NDST3: variants seen among roughly 807,000 people sequenced by gnomAD.
The protein encoded by NDST3 is bifunctional heparan sulfate N-deacetylase/N-sulfotransferase 3.
NDST3 carries 58 observed loss-of-function variants against 96.1 expected under a neutral mutation model. The ratio of observed to expected loss-of-function variants is 0.60; its 90% CI spans 0.49 to 0.75. The LOEUF is 0.75. Ranked by LOEUF, NDST3 falls within the 30% of genes least tolerant of loss-of-function variation. NDST3 has a pLI of 0.00. For missense variants in NDST3, 788 were observed against 1,034.2 expected (o/e 0.76, Z 3.27); for synonymous variants, 333 against 359.7 (o/e 0.93, Z 0.84).
intron 2 of NDST3, among the ~76,000 whole-genome samples, chr4:118,093,612 T>C (rs752326221): frequency 6.6e-6 from 1 of 151,948 alleles, no homozygotes; most frequent in Non-Finnish European, 1.5e-5. Context: ...TTAAGTTCTT[T>C]AACATCTTTC....
chr4:118,227,756 C>T (rs552164362), intron 8 of NDST3, among the ~76,000 whole-genome samples: 135 of 152,114 alleles, frequency 8.9e-4, no homozygotes, highest in South Asian at 8.3e-4. Context: ...GGGCTACAGG[C>T]GCCTGCCACC....
At position 118,255,640 on chromosome 4, in the gene NDST3, C is replaced by A; in HGVS notation, c.2550C>A (p.Leu850=). 1 of 1,613,882 alleles carries A rather than the reference C, an allele frequency of 6.2e-7. No individual in the cohort carries two copies. Among genetic ancestry groups the A allele is most frequent in the Non-Finnish European group, 8.5e-7 (1 of 1,179,846 alleles). The change falls in exon 14 of 14, where the codon CTC becomes CTA. Residue 850 remains leucine, a synonymous_variant. Transcript: ENST00000296499. ...ACTATCGAGATCACAACGTGGAACT[C>A]TCAAAGCTGCTGCACAAACTGGGTC... is the stretch of plus-strand genomic sequence containing the variant. ...SSYYRDHNVE[L]SKLLHKLGQP...
At chr4:118,118,428 T>C (rs1427455626) in intron 4 of NDST3, among the ~76,000 whole-genome samples, 1 of 152,206 alleles carries the variant, frequency 6.6e-6, no homozygotes, top group Non-Finnish European at 1.5e-5. Context: ...TCTAAAACTT[T>C]TGGGTTTCGG....
intron 9 of NDST3, 145 bp downstream of exon 9, chr4:118,233,280 G>T: frequency 1.5e-6 from 1 of 662,670 alleles, no homozygotes; most frequent in Admixed American, 4.0e-5. Context: ...TATCATAAAG[G>T]GGCTCAGAAA....
chr4:118,221,315 A>C (rs1739526314), intron 6 of NDST3, among the ~76,000 whole-genome samples: 1 of 152,108 alleles, frequency 6.6e-6, no homozygotes, highest in African/African-American at 2.4e-5. Context: ...CTGAGAATGA[A>C]GCAGAGCATC....
intron 6 of NDST3, chr4:118,193,662 C>T: frequency 1.5e-6 from 2 of 1,301,546 alleles, no homozygotes; most frequent in Non-Finnish European, 2.2e-6. Flanking sequence ...TGGAAGTCAG[C>T]CTGTGCCAGT....
upstream of NDST3, chr4:118,033,898 G>C (rs927124565): frequency 2.0e-5 from 3 of 152,314 alleles, no homozygotes; most frequent in Admixed American, 1.3e-4. Context: ...GCCCGCGGAC[G>C]GCTGCAGCCC....
At chr4:118,125,270 TC>T (rs1251824855) in intron 4 of NDST3, among the ~76,000 whole-genome samples, 1 of 152,072 alleles carries the variant, frequency 6.6e-6, no homozygotes, top group Non-Finnish European at 1.5e-5. Flanking sequence ...AGGAGTTATC[TC>T]CCAGGAATCA....
At chr4:118,200,471 A>C (rs1358859852) in intron 6 of NDST3, among the ~76,000 whole-genome samples, 2 of 152,180 alleles carry the variant, frequency 1.3e-5, no homozygotes, top group African/African-American at 4.8e-5. Context: ...GGCCTAAGGC[A>C]AGTCCAGAAA....
At chr4:118,136,549 A>G (rs894133576) in intron 4 of NDST3, among the ~76,000 whole-genome samples, 2 of 152,202 alleles carry the variant, frequency 1.3e-5, no homozygotes, top group Non-Finnish European at 2.9e-5. Flanking sequence ...AGTTCTAAAT[A>G]TGATGGTTAT....
Position 118,252,848 on chromosome 4 carries a change from G to A in NDST3, c.2400-651G>A, listed in dbSNP as rs1362981386. ...GGAGGTTGCGGCGAGCCGAGATTGC[G>A]CCATTGCACTCCAGCCTGGGCAACA... On this transcript the variant is annotated intron_variant, in intron 12 of 13. Transcript: ENST00000296499. Among the ~76,000 whole-genome samples, 11 of 152,174 alleles carry A rather than the reference G, an allele frequency of 7.2e-5. No homozygotes were observed. The East Asian group carries it at 7.7e-4, about 11-fold the overall frequency.
chr4:118,045,868 A>AT (rs911517345), intron 1 of NDST3, among the ~76,000 whole-genome samples: 4 of 152,016 alleles, frequency 2.6e-5, no homozygotes, highest in Non-Finnish European at 5.9e-5. Context: ...ACCTGTCTTA[A>AT]TTTTTTTATG....
chr4:118,125,945 T>G (rs888378000), intron 4 of NDST3, among the ~76,000 whole-genome samples: 9 of 152,010 alleles, frequency 5.9e-5, no homozygotes, highest in African/African-American at 2.2e-4. Context: ...CAGCTTCCTT[T>G]GAATAGCAAC....
rs570599181 is a variant in NDST3 at position 118,058,464 on chromosome 4, CTTTG to C, written c.981+3579_981+3582del. Reference sequence around the variant, plus strand: ...AAAAAAAACAGACCTAAGTTGAGGTCTTTGTTTGTCTAGGAATATGCAAGCTACA... The same window carrying C: ...AAAAAAAACAGACCTAAGTTGAGGTCTTTGTCTAGGAATATGCAAGCTACA... On this transcript the variant is annotated intron_variant, in intron 2 of 13. Transcript: ENST00000296499. Among the ~76,000 whole-genome samples, 469 of 147,998 alleles carry C rather than the reference CTTTG, an allele frequency of 3.2e-3. 1 individual carries two copies. The highest frequency in any genetic ancestry group is 0.011 in the African/African-American group (442 of 40,406).
At chr4:118,097,098 T>C (rs890396841) in intron 2 of NDST3, among the ~76,000 whole-genome samples, 1 of 151,952 alleles carries the variant, frequency 6.6e-6, no homozygotes, top group Non-Finnish European at 1.5e-5. Context: ...AATTGAATGT[T>C]AGTCTCATCC....
At chr4:118,208,627 G>C (rs752732670) in intron 6 of NDST3, among the ~76,000 whole-genome samples, 4 of 144,000 alleles carry the variant, frequency 2.8e-5, no homozygotes, top group Non-Finnish European at 6.1e-5. Flanking sequence ...TAAAGGAACA[G>C]TTCATGGGTG....
intron 6 of NDST3, among the ~76,000 whole-genome samples, chr4:118,200,062 T>G (rs908283515): frequency 6.6e-6 from 1 of 152,178 alleles, no homozygotes; most frequent in Non-Finnish European, 1.5e-5. Context: ...GCTATGTTCA[T>G]TCAAGGCCCT....
intron 6 of NDST3, among the ~76,000 whole-genome samples, chr4:118,162,364 A>G (rs1260322487): frequency 6.6e-6 from 1 of 152,234 alleles, no homozygotes; most frequent in East Asian, 1.9e-4. Context: ...ACAAGGCTAC[A>G]GTAACCAAAA....
intron 4 of NDST3, among the ~76,000 whole-genome samples, chr4:118,116,192 T>G (rs906363088): frequency 6.6e-6 from 1 of 152,200 alleles, no homozygotes. Context: ...AAATCTAGAC[T>G]GTTGATATTG....
Sources: gnomAD v4.1 joint callset for allele counts (sites outside exome capture counted in the v4.1 genomes callset) on GRCh38, gnomAD v4.1.1 for gene constraint, MANE v1.5 for transcripts, NCBI Gene and HGNC (gene_info 2026-07-23, HGNC 2026-07-21) for gene names.